DCP1A: variants seen among roughly 807,000 people sequenced by gnomAD.
DCP1A encodes mRNA-decapping enzyme 1A.
A neutral mutation model predicts 58.0 loss-of-function variants in DCP1A; 20 were observed. That is an observed-to-expected ratio of 0.34 (90% confidence interval 0.24 to 0.50). The LOEUF (loss-of-function observed/expected upper bound fraction) is 0.50. Ranked by LOEUF, DCP1A falls within the 20% of genes least tolerant of loss-of-function variation. The pLI is 0.98. For missense variants in DCP1A, 613 were observed against 712.2 expected (o/e 0.86, Z 1.59); for synonymous variants, 285 against 275.1 (o/e 1.04, Z -0.36).
intron 6 of DCP1A, among the ~76,000 whole-genome samples, chr3:53,300,880 T>G (rs1161887779): frequency 6.6e-6 from 1 of 152,170 alleles, no homozygotes; most frequent in African/African-American, 2.4e-5. Context: ...ACTCCTGGAC[T>G]CAAGGGATCC....
intron 5 of DCP1A, among the ~76,000 whole-genome samples, chr3:53,309,958 A>G (rs117448419): frequency 6.6e-6 from 1 of 152,314 alleles, no homozygotes; most frequent in East Asian, 1.9e-4. Context: ...CCGTCTGAAA[A>G]AATGTGGCAG....
chr3:53,297,365 T>TC (rs1553686885), intron 6 of DCP1A, among the ~76,000 whole-genome samples: 1 of 152,064 alleles, frequency 6.6e-6, no homozygotes, highest in Non-Finnish European at 1.5e-5. Flanking sequence ...TTCTTTTTTT[T>TC]TTTTTTTTAA....
Position 53,345,080 on chromosome 3 carries a change from G to A in DCP1A, c.136-138C>T, listed in dbSNP as rs1243645312. The A allele has an allele frequency of 1.1e-5, 7 of 657,146 alleles. No individual in the cohort carries two copies. The East Asian group carries it at 2.0e-4, about 18-fold the overall frequency. The allele number at this position is 657,146 out of a possible 1,614,324, so 40.7% of individuals were successfully genotyped here. On this transcript the variant is annotated intron_variant, in intron 1 of 9. Transcript: ENST00000610213. ...TATAAAATTAACCACTTTTGAACAGGTAAAGTCTCCCTCTCATTCCACAAA... is the reference window on the plus strand; with the variant it reads ...TATAAAATTAACCACTTTTGAACAGATAAAGTCTCCCTCTCATTCCACAAA...
chr3:53,306,475 A>G (rs1358913972), intron 5 of DCP1A, among the ~76,000 whole-genome samples: 1 of 152,170 alleles, frequency 6.6e-6, no homozygotes, highest in East Asian at 1.9e-4. Context: ...CCAGCACTTC[A>G]GGAAGCTGAG....
At chr3:53,338,148 G>T in intron 3 of DCP1A, 1 of 448,452 alleles carries the variant, frequency 2.2e-6, no homozygotes, top group Non-Finnish European at 4.5e-6. Context: ...TTCTCAACCT[G>T]TAAGTTGAGG....
At chr3:53,322,680 G>T (rs1708003032) in intron 3 of DCP1A, among the ~76,000 whole-genome samples, 1 of 148,942 alleles carries the variant, frequency 6.7e-6, no homozygotes, top group Admixed American at 6.6e-5. Flanking sequence ...CACTAAAACT[G>T]CTCTAAATCT....
At chr3:53,323,398 C>T (rs563914493) in intron 3 of DCP1A, among the ~76,000 whole-genome samples, 2 of 152,306 alleles carry the variant, frequency 1.3e-5, no homozygotes, top group African/African-American at 4.8e-5. Flanking sequence ...CAGATCAGGG[C>T]TTTAAAAAGA....
At chr3:53,287,776 C>T (rs1706696854) in intron 9 of DCP1A, 116 bp from the exon 10 acceptor site, 17 of 737,616 alleles carry the variant, frequency 2.3e-5, no homozygotes, top group Non-Finnish European at 1.4e-5. Context: ...AACTGATAAT[C>T]CCACCACCCA....
At chr3:53,298,112 G>A (rs1280397021) in intron 6 of DCP1A, among the ~76,000 whole-genome samples, 4 of 152,172 alleles carry the variant, frequency 2.6e-5, no homozygotes, top group African/African-American at 9.7e-5. Flanking sequence ...TGGCTGCTTG[G>A]GAGGCTGAGG....
chr3:53,301,752 G>A (rs915595763), intron 6 of DCP1A, among the ~76,000 whole-genome samples: 6 of 152,004 alleles, frequency 3.9e-5, no homozygotes, highest in African/African-American at 1.2e-4. Context: ...TAGTACTTGC[G>A]TATCATGTAA....
intron 3 of DCP1A, among the ~76,000 whole-genome samples, chr3:53,331,289 T>C (rs564720246): frequency 2.7e-4 from 41 of 152,354 alleles, no homozygotes; most frequent in Admixed American, 6.5e-4. Context: ...GTAGACTGTC[T>C]AGCTGTAAGA....
intron 7 of DCP1A, among the ~76,000 whole-genome samples, chr3:53,291,867 G>T (rs1420506272): frequency 6.6e-6 from 1 of 152,114 alleles, no homozygotes; most frequent in Non-Finnish European, 1.5e-5. Flanking sequence ...CCACTAAAGT[G>T]AATATCCCGA....
chr3:53,325,486 A>G (rs1553690495), intron 3 of DCP1A, among the ~76,000 whole-genome samples: 1 of 152,244 alleles, frequency 6.6e-6, no homozygotes, highest in African/African-American at 2.4e-5. Flanking sequence ...TCTGTGCTTG[A>G]GAAAATAAAT....
At chr3:53,304,408 C>G (rs1707406187) in intron 5 of DCP1A, 118 bp from the exon 6 acceptor site, 1 of 681,936 alleles carries the variant, frequency 1.5e-6, no homozygotes. Flanking sequence ...GAAGAAAAAC[C>G]AACCTCAAAA....
chr3:53,332,152 A>T (rs1553691360), intron 3 of DCP1A, among the ~76,000 whole-genome samples: 1 of 152,180 alleles, frequency 6.6e-6, no homozygotes, highest in Admixed American at 6.5e-5. Context: ...ATTAGACCAG[A>T]AGTGTATGAA....
intron 4 of DCP1A, 116 bp from the exon 5 acceptor site, chr3:53,312,495 C>CTT (rs879948145): frequency 0.012 from 6,502 of 522,880 alleles, no homozygotes; most frequent in South Asian, 0.019. Context: ...TGACATTCTT[C>CTT]TTTTTTTTTT....
In DCP1A at chr3:53,287,615, C is replaced by T. The variant is rs1553685294; in HGVS notation, c.1714G>A (p.Val572Ile). 2 of 1,612,320 alleles carry T rather than the reference C, an allele frequency of 1.2e-6. No homozygotes were observed. Among genetic ancestry groups the T allele is most frequent in the Admixed American group, 3.3e-5 (2 of 59,954 alleles). ...LSTLHEVYLQ[V>I]LTKNKDNHNL ...TGGTTGTCTTTGTTCTTGGTCAGAA[C>T]CTGCAAGTAGACTTCATGAAGTGTA... The change falls in exon 10 of 10, where the codon GTT (valine) becomes ATT (isoleucine). Residue 572 changes from valine to isoleucine, a missense_variant. By Grantham distance (29) the Val-to-Ile change is conservative. This residue lies in a region of DCP1A where 498 missense variants were observed against 556.7 expected (regional missense o/e 0.89). Transcript: ENST00000610213.
At chr3:53,310,834 T>C (rs1349149210) in intron 5 of DCP1A, among the ~76,000 whole-genome samples, 1 of 152,242 alleles carries the variant, frequency 6.6e-6, no homozygotes, top group Admixed American at 6.5e-5. Flanking sequence ...GAGGTGGGAC[T>C]TCCTTTGTTA....
chr3:53,311,863 T>G (rs1034271597), intron 5 of DCP1A, among the ~76,000 whole-genome samples: 1 of 152,120 alleles, frequency 6.6e-6, no homozygotes, highest in South Asian at 2.1e-4. Flanking sequence ...GAAAAAAGCA[T>G]TGTAAATTTT....
Sources: allele counts gnomAD v4.1 joint callset (sites outside exome capture counted in the v4.1 genomes callset), GRCh38; gene constraint gnomAD v4.1.1; regional missense constraint gnomAD v4.1.1; transcripts MANE v1.5; gene names NCBI Gene and HGNC (gene_info 2026-07-23, HGNC 2026-07-21).